Variants in MCTP2 observed in about 807,000 individuals in gnomAD.
The protein encoded by MCTP2 is multiple C2 and transmembrane domain-containing protein 2.
MCTP2 carries 132 observed loss-of-function variants against 111.6 expected under a neutral mutation model. The ratio of observed to expected loss-of-function variants is 1.18; its 90% CI spans 1.03 to 1.37. The LOEUF is 1.37. Among genes scored for constraint, MCTP2 ranks in the 40% most tolerant of loss-of-function variants. The pLI, the probability that MCTP2 is intolerant of heterozygous loss-of-function variation, is 0.00. For missense variants in MCTP2, 1,183 were observed against 1,067.9 expected, an observed-to-expected ratio of 1.11 and a Z score of -1.50; for synonymous variants, 395 against 387.7, an observed-to-expected ratio of 1.02 and a Z score of -0.22.
At chr15:94,412,208 CG>C in intron 17 of MCTP2, among the ~76,000 whole-genome samples, 1 of 152,108 alleles carries the variant, frequency 6.6e-6, no homozygotes, top group East Asian at 1.9e-4. Flanking sequence ...TTACAATGCA[CG>C]GCTTGTATAG....
chr15:94,386,957 C>G (rs2080525705), intron 14 of MCTP2, among the ~76,000 whole-genome samples: 2 of 152,118 alleles, frequency 1.3e-5, no homozygotes, highest in Non-Finnish European at 2.9e-5. Flanking sequence ...CTCTTCTTCC[C>G]TCCTTGTAGC....
At chr15:94,405,997 C>A (rs1406164339) in intron 17 of MCTP2, among the ~76,000 whole-genome samples, 1 of 151,996 alleles carries the variant, frequency 6.6e-6, no homozygotes, top group African/African-American at 2.4e-5. Context: ...AAATATTTTG[C>A]CTTGAAGTAA....
intron 18 of MCTP2, 43 bp downstream of exon 18, chr15:94,440,341 T>C (rs368530452): frequency 1.2e-6 from 2 of 1,609,780 alleles, no homozygotes; most frequent in African/African-American, 1.3e-5. Flanking sequence ...TGCCGAGAAA[T>C]GTGTTAACAA....
At position 94,444,436 on chromosome 15, in the gene MCTP2, G is replaced by A. The variant is rs189593412; in HGVS notation, c.2250+1476G>A. ...CTGGCCCCCTCTTCCTTCCCTGCAG[G>A]TCAGGGCTGGGAGTACTGAAAGTTC... On this transcript the variant is annotated intron_variant, in intron 19 of 22. Coordinates refer to ENST00000357742, the MANE Select transcript of MCTP2 (RefSeq NM_001385001.1). 3.4e-3 allele frequency among the ~76,000 whole-genome samples: 516 copies of A among 152,342 alleles called. 1 individual carries two copies. Among genetic ancestry groups the A allele is most frequent in the Non-Finnish European group, 5.4e-3 (370 of 68,022 alleles).
chr15:94,449,250 T>C (rs555452118), intron 19 of MCTP2, among the ~76,000 whole-genome samples: 34 of 152,366 alleles, frequency 2.2e-4, no homozygotes, highest in African/African-American at 7.9e-4. Flanking sequence ...AAAATATTAA[T>C]ATTTTAATTT....
At position 94,368,430 on chromosome 15, in the gene MCTP2, T is replaced by C. The variant is rs148163268; in HGVS notation, c.1488+639T>C. On this transcript the variant is annotated intron_variant, in intron 11 of 22. Coordinates refer to ENST00000357742, the MANE Select transcript of MCTP2 (RefSeq NM_001385001.1). Reference sequence around the variant, plus strand: ...ATTTGCATTCTGCTTTTATCCTATCTTCTGTATAAATCAATATGTTTATTT... The same window carrying C: ...ATTTGCATTCTGCTTTTATCCTATCCTCTGTATAAATCAATATGTTTATTT... Among the ~76,000 whole-genome samples, 10 of 152,330 alleles carry C rather than the reference T, an allele frequency of 6.6e-5. No homozygotes were observed. In the East Asian group the frequency reaches 1.9e-3, roughly 29 times the overall value.
chr15:94,408,640 G>A (rs934867822), intron 17 of MCTP2, among the ~76,000 whole-genome samples: 18 of 152,000 alleles, frequency 1.2e-4, no homozygotes, highest in South Asian at 8.3e-4. Context: ...TACAGTAATC[G>A]CATTAAAAAG....
At chr15:94,242,248 C>T (rs188827214) in intron 1 of MCTP2, among the ~76,000 whole-genome samples, 3 of 152,142 alleles carry the variant, frequency 2.0e-5, no homozygotes, top group East Asian at 1.9e-4. Context: ...AGCTGTGGGA[C>T]GTTGACATCT....
intron 2 of MCTP2, among the ~76,000 whole-genome samples, chr15:94,305,422 G>A (rs896394888): frequency 2.7e-4 from 41 of 152,072 alleles, no homozygotes; most frequent in African/African-American, 9.9e-4. Flanking sequence ...CTAAAGAGGA[G>A]GTAAGAGCAC....
intron 4 of MCTP2, among the ~76,000 whole-genome samples, chr15:94,321,735 C>G (rs2076639482): frequency 1.3e-5 from 2 of 152,202 alleles, no homozygotes; most frequent in Admixed American, 6.5e-5. Context: ...CTCATGCAGT[C>G]AGAAACCCAC....
chr15:94,334,529 T>G (rs892074095), intron 4 of MCTP2, among the ~76,000 whole-genome samples: 2 of 152,168 alleles, frequency 1.3e-5, no homozygotes, highest in East Asian at 3.8e-4. Context: ...AACTTTAAGG[T>G]GTTTTTTGAT....
intron 21 of MCTP2, chr15:94,476,399 T>G: frequency 4.9e-6 from 1 of 203,052 alleles, no homozygotes. Flanking sequence ...TTTTCACAGC[T>G]GAAGAAGGCA....
chr15:94,355,184 G>A (rs374859895), intron 8 of MCTP2, among the ~76,000 whole-genome samples: 2 of 152,312 alleles, frequency 1.3e-5, no homozygotes, highest in East Asian at 1.9e-4. Flanking sequence ...ACAACTTATG[G>A]TTAACGCCAT....
At chr15:94,338,584 G>A (rs559088585) in intron 4 of MCTP2, among the ~76,000 whole-genome samples, 122 of 151,498 alleles carry the variant, frequency 8.1e-4, no homozygotes, top group African/African-American at 2.7e-3. Flanking sequence ...AGTGACTGGA[G>A]GGACATTATT....
intron 20 of MCTP2, among the ~76,000 whole-genome samples, chr15:94,464,257 T>TA (rs4001978): frequency 0.024 from 1,056 of 44,842 alleles, 48 homozygotes; most frequent in East Asian, 0.094. Flanking sequence ...TATATATATA[T>TA]TATATATATA....
intron 20 of MCTP2, among the ~76,000 whole-genome samples, chr15:94,464,533 CTA>C (rs1172251802): frequency 4.0e-5 from 6 of 151,372 alleles, no homozygotes; most frequent in Non-Finnish European, 8.9e-5. Context: ...CTAATCTTCT[CTA>C]TTTCCTGCTT....
In MCTP2 at chr15:94,400,875, C is replaced by T. The variant is rs187214499; in HGVS notation, c.1965+880C>T. 3.7e-3 allele frequency among the ~76,000 whole-genome samples: 567 copies of T among 152,262 alleles called. 3 individuals carry two copies. The highest frequency in any genetic ancestry group is 0.013 in the African/African-American group (528 of 41,542). ...GGGCATACTTGGGAAAGGCCTTAAA[C>T]GTCTTCTGAGGGGAAGCCTCCAAAT... On this transcript the variant is annotated intron_variant, in intron 16 of 22. Transcript: ENST00000357742.
At chr15:94,439,708 G>A (rs2083668903) in intron 17 of MCTP2, among the ~76,000 whole-genome samples, 1 of 152,136 alleles carries the variant, frequency 6.6e-6, no homozygotes, top group Non-Finnish European at 1.5e-5. Flanking sequence ...TGTCCATATA[G>A]TCTCGAAATT....
chr15:94,407,930 T>C (rs2081983219), intron 17 of MCTP2, among the ~76,000 whole-genome samples: 1 of 152,174 alleles, frequency 6.6e-6, no homozygotes, highest in Admixed American at 6.6e-5. Context: ...GACTGCTGTT[T>C]TCCATGATTT....
Sources: gnomAD v4.1 joint callset for allele counts (sites outside exome capture counted in the v4.1 genomes callset) on GRCh38, gnomAD v4.1.1 for gene constraint, MANE v1.5 for transcripts, NCBI Gene and HGNC (gene_info 2026-07-23, HGNC 2026-07-21) for gene names.